Variants in PRKG1 observed in about 807,000 individuals in gnomAD.
PRKG1 encodes cGMP-dependent protein kinase 1.
Under a neutral mutation model 88.1 loss-of-function variants are expected in PRKG1, and 35 were observed. The observed-to-expected ratio is 0.40, with a 90% confidence interval of 0.30 to 0.53. The LOEUF is 0.53. Ranked by LOEUF, PRKG1 falls within the 20% of genes least tolerant of loss-of-function variation. The probability of loss-of-function intolerance (pLI) is 0.59; values close to 1 mark genes in which losing one functional copy is unlikely to be tolerated. For synonymous variants in PRKG1, 303 were observed against 292.5 expected, an observed-to-expected ratio of 1.04 and a Z score of -0.37; for missense variants, 540 against 839.8, an observed-to-expected ratio of 0.64 and a Z score of 4.41.
At chr10:52,261,844 C>T (rs935939241) in intron 10 of PRKG1, among the ~76,000 whole-genome samples, 1 of 152,044 alleles carries the variant, frequency 6.6e-6, no homozygotes, top group African/African-American at 2.4e-5. Context: ...TATAATCCAA[C>T]ATTGATGTGA....
chr10:52,103,732 A>G (rs1847349134), intron 7 of PRKG1, among the ~76,000 whole-genome samples: 1 of 151,954 alleles, frequency 6.6e-6, no homozygotes, highest in South Asian at 2.1e-4. Flanking sequence ...GGTCAACTGT[A>G]TATATATGTT....
At chr10:51,959,626 G>A (rs1446900888) in intron 5 of PRKG1, among the ~76,000 whole-genome samples, 1 of 152,100 alleles carries the variant, frequency 6.6e-6, no homozygotes, top group Non-Finnish European at 1.5e-5. Flanking sequence ...GGCAGTGAGT[G>A]TTTGAATTAG....
At chr10:52,157,152 A>T (rs145148792) in intron 8 of PRKG1, among the ~76,000 whole-genome samples, 125 of 150,666 alleles carry the variant, frequency 8.3e-4, no homozygotes, top group African/African-American at 2.8e-3. Flanking sequence ...ATTCTAAGCC[A>T]CTATATCATA....
chr10:51,350,203 C>T lies in PRKG1; in HGVS notation c.479-117520C>T, dbSNP rs118073844. On this transcript the variant is annotated intron_variant, in intron 2 of 17. Transcript: ENST00000373980. ...ATGTGAATTCATCCAGTCAGACTCA[C>T]ATGGCCTCAGCCAGTCCACAATGTA... 5.8e-3 allele frequency among the ~76,000 whole-genome samples: 877 copies of T among 152,292 alleles called. 5 individuals are homozygous for T. The highest frequency in any genetic ancestry group is 0.012 in the South Asian group (58 of 4,824).
chr10:51,349,040 G>C (rs61852113), intron 2 of PRKG1, among the ~76,000 whole-genome samples: 7,607 of 152,284 alleles, frequency 0.05, 268 homozygotes, highest in Middle Eastern at 0.11. Flanking sequence ...CCATAAGTCA[G>C]ACCTGGTGTG....
rs546109424 is a variant in PRKG1, at chr10:51,048,898, C to T, written c.266+57254C>T. On this transcript the variant is annotated intron_variant, in intron 1 of 17. Coordinates refer to the PRKG1 transcript ENST00000401604. ...AGTCTGTAATGCTGTTACCATGCAC[C>T]GCATGTCAGTCAATAACGCTAAGCT... Among the ~76,000 whole-genome samples the T allele has an allele frequency of 5.9e-5, 9 of 151,936 alleles. No homozygotes were observed. In the East Asian group the frequency reaches 7.7e-4, roughly 13 times the overall value.
At chr10:51,644,891 G>C (rs551735399) in intron 3 of PRKG1, among the ~76,000 whole-genome samples, 2 of 152,072 alleles carry the variant, frequency 1.3e-5, no homozygotes, top group East Asian at 1.9e-4. Flanking sequence ...GGGTTCAAGC[G>C]ATTCTCCCAC....
At position 52,251,633 on chromosome 10, in the gene PRKG1, C is replaced by T. The variant is rs1841171513; in HGVS notation, c.1140C>T (p.Thr380=). ...LKLSDFNIID[T]LGVGGFGRVE... is the part of the protein sequence containing the mutation. ...TGTCTGATTTCAACATCATTGATAC[C>T]CTTGGAGTTGGAGGTTTCGGACGAG... is the stretch of plus-strand genomic sequence containing the variant. Residue 380 remains threonine, a synonymous_variant, in exon 10 of 18, where the codon ACC becomes ACT. Transcript: ENST00000373980. 6.2e-7 allele frequency: 1 copy of T among 1,613,442 alleles called. No individual in the cohort carries two copies. The highest frequency in any genetic ancestry group is 1.3e-5 in the African/African-American group (1 of 74,970).
chr10:51,587,248 A>C (rs755005140), intron 3 of PRKG1, among the ~76,000 whole-genome samples: 2 of 152,180 alleles, frequency 1.3e-5, no homozygotes, highest in Middle Eastern at 3.2e-3. Flanking sequence ...TAATATTAAT[A>C]GTAGTAATAA....
rs942569941 is a variant in PRKG1 at position 51,435,508 on chromosome 10, G to T, written c.479-32215G>T. Among the ~76,000 whole-genome samples the T allele has an allele frequency of 2.6e-5, 4 of 151,366 alleles. 1 individual carries two copies. The highest frequency in any genetic ancestry group is 1.3e-4 in the Admixed American group (2 of 15,202). Reference sequence around the variant, plus strand: ...GATGCCATTGGCCTGGCTCTTGCTTGTATTTTTCACTTCTTGCCCCATGGA... The same window carrying T: ...GATGCCATTGGCCTGGCTCTTGCTTTTATTTTTCACTTCTTGCCCCATGGA... On this transcript the variant is annotated intron_variant, in intron 2 of 17. Coordinates refer to ENST00000373980, the MANE Select transcript of PRKG1 (RefSeq NM_006258.4).
In PRKG1 at chr10:51,851,871, A is replaced by G. The variant is rs563676064; in HGVS notation, c.698+47181A>G. ...GTCCATTAGATTAGTAGGACCTGCC[A>G]TGAGTGCTGTCGTGGGAAGGATTCT... On this transcript the variant is annotated intron_variant, in intron 4 of 17. Transcript: ENST00000373980. 2.0e-5 allele frequency among the ~76,000 whole-genome samples: 3 copies of G among 152,240 alleles called. No homozygotes were observed. The South Asian group carries it at 6.2e-4, about 32-fold the overall frequency.
intron 5 of PRKG1, among the ~76,000 whole-genome samples, chr10:51,987,873 A>G (rs1844204051): frequency 6.6e-6 from 1 of 152,114 alleles, no homozygotes; most frequent in Admixed American, 6.6e-5. Flanking sequence ...CAATATTTTT[A>G]ATGAAATTAT....
chr10:51,957,724 T>C (rs1023537772), intron 5 of PRKG1, among the ~76,000 whole-genome samples: 44 of 152,228 alleles, frequency 2.9e-4, no homozygotes, highest in African/African-American at 1.0e-3. Context: ...ATTTACAAAA[T>C]ATGTGTTCAA....
At chr10:51,502,989 T>A (rs551627874) in intron 3 of PRKG1, among the ~76,000 whole-genome samples, 17 of 152,320 alleles carry the variant, frequency 1.1e-4, no homozygotes, top group African/African-American at 3.8e-4. Context: ...AATGGATTTT[T>A]AGGGTAAGAA....
chr10:52,158,880 A>G (rs1308930939), intron 8 of PRKG1, among the ~76,000 whole-genome samples: 2 of 151,434 alleles, frequency 1.3e-5, no homozygotes, highest in East Asian at 3.8e-4. Context: ...TACTTGTGTA[A>G]AAGGTCTCCA....
At chr10:51,874,101 T>TGGCA in intron 4 of PRKG1, among the ~76,000 whole-genome samples, 1 of 152,326 alleles carries the variant, frequency 6.6e-6, no homozygotes, top group African/African-American at 2.4e-5. Context: ...CAACCTCAAA[T>TGGCA]GGCAGGCAGG....
chr10:51,442,090 A>G (rs1316540912), intron 2 of PRKG1, among the ~76,000 whole-genome samples: 1 of 151,782 alleles, frequency 6.6e-6, no homozygotes, highest in Non-Finnish European at 1.5e-5. Context: ...AAAACCCTGC[A>G]TATTTGCTCA....
intron 3 of PRKG1, among the ~76,000 whole-genome samples, chr10:51,703,946 G>A (rs996570028): frequency 1.3e-5 from 2 of 151,878 alleles, no homozygotes; most frequent in Non-Finnish European, 1.5e-5. Flanking sequence ...AGACCAGCCC[G>A]GCCAACATGG....
chr10:51,754,303 T>G (rs1390477586), intron 3 of PRKG1, among the ~76,000 whole-genome samples: 1 of 152,204 alleles, frequency 6.6e-6, no homozygotes. Flanking sequence ...GACTTCACTT[T>G]TGCGCCTATT....
Sources: allele counts gnomAD v4.1 joint callset (sites outside exome capture counted in the v4.1 genomes callset), GRCh38; gene constraint gnomAD v4.1.1; transcripts MANE v1.5; gene names NCBI Gene and HGNC (gene_info 2026-07-23, HGNC 2026-07-21).